TRAK1: variants seen among roughly 807,000 people sequenced by gnomAD.
TRAK1 encodes the protein trafficking kinesin-binding protein 1.
In TRAK1, 33 loss-of-function variants were observed where a neutral mutation model predicts 92.1. That is an observed-to-expected ratio of 0.36 (90% CI 0.27 to 0.48). The LOEUF is 0.48. TRAK1 is among the 20% of genes least tolerant of loss of function. TRAK1 has a pLI of 0.99. For missense variants in TRAK1, 1,123 were observed against 1,257.9 expected, an observed-to-expected ratio of 0.89 and a Z score of 1.62; for synonymous variants, 521 against 517.3, an observed-to-expected ratio of 1.01 and a Z score of -0.10.
At chr3:42,219,710 C>G in intron 15 of TRAK1, 114 bp downstream of exon 15, 1 of 1,166,118 alleles carries the variant, frequency 8.6e-7, no homozygotes, top group East Asian at 2.5e-5. Flanking sequence ...GAAAAACCAA[C>G]TGAAGCCAGT....
chr3:42,212,955 T>C lies in TRAK1; in HGVS notation c.1963+2970T>C, dbSNP rs568431503. On this transcript the variant is annotated intron_variant, in intron 14 of 15. Coordinates refer to ENST00000327628, the MANE Select transcript of TRAK1 (RefSeq NM_001042646.3). ...TTTACTCATCAAGACTGGTTCATAT[T>C]GAGGGGAGATATCCTCAAAAACTTA... Among the ~76,000 whole-genome samples, 57 of 152,342 alleles carry C rather than the reference T, an allele frequency of 3.7e-4. No individual in the cohort carries two copies. In the South Asian group the frequency reaches 7.5e-3, roughly 20 times the overall value.
intron 11 of TRAK1, 133 bp downstream of exon 11, chr3:42,199,386 G>A: frequency 1.3e-6 from 1 of 796,150 alleles, no homozygotes; most frequent in South Asian, 1.7e-5. Context: ...TCCAGATTAA[G>A]GGAAATAATA....
Position 42,189,058 on chromosome 3 carries a change from T to C in TRAK1, c.624T>C (p.Phe208=). Residue 208 remains phenylalanine, a synonymous_variant, in exon 6 of 16, where the codon TTT becomes TTC. Coordinates refer to ENST00000327628, the MANE Select transcript of TRAK1 (RefSeq NM_001042646.3). Reference sequence around the variant, plus strand: ...CGTCCTCCTCAGTCCAGAATTACTTTCATTTGGATTCTCTTCAAAAGAAGC... The same window carrying C: ...CGTCCTCCTCAGTCCAGAATTACTTCCATTTGGATTCTCTTCAAAAGAAGC... ...NESSSSVQNY[F]HLDSLQKKLK... is the part of the protein sequence containing the mutation. The C allele has an allele frequency of 3.1e-6, 5 of 1,614,194 alleles. No homozygotes were observed. Among genetic ancestry groups the C allele is most frequent in the Non-Finnish European group, 4.2e-6 (5 of 1,180,018 alleles).
At chr3:42,125,884 T>G (rs1028346980) in intron 2 of TRAK1, among the ~76,000 whole-genome samples, 32 of 152,318 alleles carry the variant, frequency 2.1e-4, no homozygotes, top group Admixed American at 1.1e-3. Flanking sequence ...GGAGTCTAGC[T>G]CTCTTGCCCA....
At chr3:42,123,747 G>A (rs1710216217) in intron 1 of TRAK1, among the ~76,000 whole-genome samples, 1 of 151,806 alleles carries the variant, frequency 6.6e-6, no homozygotes, top group Non-Finnish European at 1.5e-5. Flanking sequence ...ATATCTTGGA[G>A]AGGGATGGAG....
chr3:42,058,030 G>A (rs777250998), intron 1 of TRAK1, among the ~76,000 whole-genome samples: 6 of 152,088 alleles, frequency 3.9e-5, no homozygotes, highest in Non-Finnish European at 5.9e-5. Context: ...TTTGCCCTTC[G>A]CCCCTTGGTT....
chr3:42,189,168 G>T (rs1305723657), intron 6 of TRAK1, 44 bp downstream of exon 6: 1 of 1,443,652 alleles, frequency 6.9e-7, no homozygotes, highest in Admixed American at 1.7e-5. Context: ...AAGGGTGGTG[G>T]CCCCATTCGC....
intron 2 of TRAK1, among the ~76,000 whole-genome samples, chr3:42,135,803 C>T (rs1206618159): frequency 6.6e-6 from 1 of 152,182 alleles, no homozygotes; most frequent in African/African-American, 2.4e-5. Flanking sequence ...GGGGTCTTCT[C>T]TTGCCTACAT....
chr3:42,123,297 G>T (rs1710136742), intron 1 of TRAK1, among the ~76,000 whole-genome samples: 1 of 152,230 alleles, frequency 6.6e-6, no homozygotes, highest in South Asian at 2.1e-4. Flanking sequence ...CTACCTGAGT[G>T]TGTACAGGCC....
chr3:42,154,893 T>C (rs767098847), intron 2 of TRAK1, among the ~76,000 whole-genome samples: 3 of 151,968 alleles, frequency 2.0e-5, no homozygotes, highest in Non-Finnish European at 4.4e-5. Flanking sequence ...CTGAAGGAGA[T>C]GGGGAGCAGT....
chr3:42,049,269 C>T (rs1576179496), intron 1 of TRAK1, among the ~76,000 whole-genome samples: 1 of 152,234 alleles, frequency 6.6e-6, no homozygotes, highest in East Asian at 1.9e-4. Context: ...TTCTTTTAAC[C>T]ACCTGTTGTT....
At chr3:42,120,737 G>A (rs1044852477) in intron 1 of TRAK1, among the ~76,000 whole-genome samples, 2 of 152,016 alleles carry the variant, frequency 1.3e-5, no homozygotes, top group Admixed American at 6.6e-5. Context: ...TAGTACAGAC[G>A]GGGTTTCAAC....
intron 2 of TRAK1, among the ~76,000 whole-genome samples, chr3:42,134,818 A>G (rs913271659): frequency 6.6e-6 from 1 of 151,110 alleles, no homozygotes; most frequent in African/African-American, 2.4e-5. Flanking sequence ...TGACCTCGTG[A>G]TCCACCCACC....
intron 1 of TRAK1, among the ~76,000 whole-genome samples, chr3:42,030,974 GA>G (rs1702119823): frequency 6.6e-6 from 1 of 151,220 alleles, no homozygotes; most frequent in Non-Finnish European, 1.5e-5. Flanking sequence ...AGTACAAAGA[GA>G]AAACGGAACA....
chr3:42,076,119 C>T (rs1160046733), intron 1 of TRAK1, among the ~76,000 whole-genome samples: 1 of 150,642 alleles, frequency 6.6e-6, no homozygotes, highest in Non-Finnish European at 1.5e-5. Flanking sequence ...GCTGGGATTA[C>T]AAGCATGTGA....
At chr3:42,196,314 A>T (rs1318010782) in intron 10 of TRAK1, among the ~76,000 whole-genome samples, 1 of 152,192 alleles carries the variant, frequency 6.6e-6, no homozygotes, top group Non-Finnish European at 1.5e-5. Flanking sequence ...AGTGAGTAGC[A>T]GTTTTTGCAC....
intron 1 of TRAK1, among the ~76,000 whole-genome samples, chr3:42,037,431 A>G (rs1180762754): frequency 1.3e-5 from 2 of 152,206 alleles, no homozygotes; most frequent in Non-Finnish European, 2.9e-5. Flanking sequence ...TTCAGGACCT[A>G]GAGAGGTGCC....
At chr3:42,178,911 AT>A (rs1703598326) in intron 3 of TRAK1, among the ~76,000 whole-genome samples, 1 of 151,838 alleles carries the variant, frequency 6.6e-6, no homozygotes, top group East Asian at 1.9e-4. Context: ...GGAGGTGGAG[AT>A]TGCCGTGCAC....
intron 1 of TRAK1, among the ~76,000 whole-genome samples, chr3:42,030,688 G>A (rs867607052): frequency 3.2e-4 from 25 of 77,660 alleles, no homozygotes; most frequent in African/African-American, 1.1e-3. Context: ...AAAAAAAAAA[G>A]AATATATATA....
Sources: allele counts gnomAD v4.1 joint callset (sites outside exome capture counted in the v4.1 genomes callset), GRCh38; gene constraint gnomAD v4.1.1; transcripts MANE v1.5; gene names NCBI Gene and HGNC (gene_info 2026-07-23, HGNC 2026-07-21).